The following THEMIS variants were observed in gnomAD, a reference collection of about 807,000 sequenced individuals.
The protein encoded by THEMIS is thymocyte selection associated.
In THEMIS, 37 loss-of-function variants were observed where a neutral mutation model predicts 52.6. The observed-to-expected ratio is 0.70, with a 90% confidence interval of 0.54 to 0.93. THEMIS has a LOEUF of 0.93. Ranked by LOEUF, THEMIS falls within the 40% of genes least tolerant of loss-of-function variation. The pLI, the probability that THEMIS is intolerant of heterozygous loss-of-function variation, is 0.00. For missense variants in THEMIS, 808 were observed against 763.1 expected (o/e 1.06, Z -0.69); for synonymous variants, 292 against 272.7 (o/e 1.07, Z -0.70).
intron 4 of THEMIS, among the ~76,000 whole-genome samples, chr6:127,809,978 C>T (rs1180210340): frequency 6.6e-6 from 1 of 151,334 alleles, no homozygotes; most frequent in African/African-American, 2.4e-5. Flanking sequence ...GAGTGAGACT[C>T]AGAATTGAAC....
At chr6:127,702,595 C>T in the THEMIS span, among the ~76,000 whole-genome samples, 2 of 147,758 alleles carry the variant, frequency 1.4e-5, no homozygotes, top group South Asian at 2.1e-4. Context: ...CAGCAACTTT[C>T]TCTTCTATTG....
At chr6:127,861,151 A>G (rs938007340) in intron 1 of THEMIS, among the ~76,000 whole-genome samples, 32 of 152,166 alleles carry the variant, frequency 2.1e-4, no homozygotes, top group Non-Finnish European at 2.9e-5. Context: ...TCATGTATAA[A>G]CAATATTGCT....
intron 4 of THEMIS, among the ~76,000 whole-genome samples, chr6:127,743,042 T>A (rs1156606639): frequency 1.3e-5 from 2 of 152,120 alleles, no homozygotes. Context: ...TAAATTATTT[T>A]AGAAATAATA....
intron 2 of THEMIS, among the ~76,000 whole-genome samples, chr6:127,835,326 T>C (rs899551470): frequency 5.3e-5 from 8 of 152,190 alleles, no homozygotes; most frequent in African/African-American, 1.2e-4. Flanking sequence ...GTTAAGATTA[T>C]GGCTTGACAA....
chr6:127,868,517 A>T, intron 1 of THEMIS: 4 of 980,640 alleles, frequency 4.1e-6, no homozygotes, highest in Non-Finnish European at 4.8e-6. Flanking sequence ...AATTGGTTAC[A>T]GATGTGCCAA....
At chr6:127,756,362 T>A (rs1562237622) in intron 4 of THEMIS, among the ~76,000 whole-genome samples, 1 of 152,200 alleles carries the variant, frequency 6.6e-6, no homozygotes, top group African/African-American at 2.4e-5. Flanking sequence ...TGTATGATAG[T>A]CTCTAACAGA....
chr6:127,766,680 AT>A (rs1303701456), intron 4 of THEMIS, among the ~76,000 whole-genome samples: 2 of 152,198 alleles, frequency 1.3e-5, no homozygotes, highest in Non-Finnish European at 2.9e-5. Flanking sequence ...CCTGTACTGA[AT>A]ACTCTAGGCA....
intron 2 of THEMIS, among the ~76,000 whole-genome samples, chr6:127,840,299 T>C (rs1471452656): frequency 6.6e-6 from 1 of 152,244 alleles, no homozygotes; most frequent in Middle Eastern, 3.4e-3. Context: ...GAATACATTA[T>C]GGAATATGCA....
intron 1 of THEMIS, among the ~76,000 whole-genome samples, chr6:127,882,784 A>G (rs754678252): frequency 4.6e-5 from 7 of 151,972 alleles, no homozygotes; most frequent in Non-Finnish European, 1.0e-4. Flanking sequence ...AAATATGAAT[A>G]CATGCGAGTA....
chr6:127,753,210 C>A (rs1775707662), intron 4 of THEMIS, among the ~76,000 whole-genome samples: 1 of 151,990 alleles, frequency 6.6e-6, no homozygotes, highest in Admixed American at 6.6e-5. Context: ...TAACATCATA[C>A]TCAAGAGTAA....
chr6:127,753,508 C>G (rs1775718696), intron 4 of THEMIS, among the ~76,000 whole-genome samples: 1 of 151,462 alleles, frequency 6.6e-6, no homozygotes. Flanking sequence ...AAGACATTGA[C>G]AAAGGCAAAA....
At chr6:127,704,769 T>C (rs1773778975), downstream of THEMIS, among the ~76,000 whole-genome samples, 1 of 152,186 alleles carries the variant, frequency 6.6e-6, no homozygotes, top group Non-Finnish European at 1.5e-5. Flanking sequence ...GAGTGACTGA[T>C]GAAGCACACA....
chr6:127,729,011 A>G (rs1219821336), intron 4 of THEMIS, among the ~76,000 whole-genome samples: 1 of 152,010 alleles, frequency 6.6e-6, no homozygotes, highest in East Asian at 1.9e-4. Flanking sequence ...ATTTTTACCT[A>G]TTGGCTTCTT....
At chr6:127,875,803 T>A (rs1780296892) in intron 1 of THEMIS, among the ~76,000 whole-genome samples, 2 of 152,184 alleles carry the variant, frequency 1.3e-5, no homozygotes, top group African/African-American at 2.4e-5. Flanking sequence ...GGTAATTTGG[T>A]CATCTATGTG....
chr6:127,760,857 C>T (rs1775998283), intron 4 of THEMIS, among the ~76,000 whole-genome samples: 2 of 152,010 alleles, frequency 1.3e-5, no homozygotes, highest in African/African-American at 4.8e-5. Context: ...TAGAATAAAA[C>T]ATATTAGAAA....
intron 4 of THEMIS, among the ~76,000 whole-genome samples, chr6:127,735,645 T>C (rs1487405957): frequency 1.3e-5 from 2 of 152,182 alleles, no homozygotes; most frequent in Admixed American, 1.3e-4. Context: ...GCCCAGGTAC[T>C]ACAGAACAGG....
At chr6:127,805,852 A>G (rs1181688020) in intron 4 of THEMIS, among the ~76,000 whole-genome samples, 2 of 152,178 alleles carry the variant, frequency 1.3e-5, no homozygotes. Context: ...TTATTCTAAA[A>G]TAAATTCACA....
At chr6:127,746,999 CTATAAT>C (rs1775448401) in intron 4 of THEMIS, among the ~76,000 whole-genome samples, 1 of 45,368 alleles carries the variant, frequency 2.2e-5, no homozygotes, top group Non-Finnish European at 3.5e-5. Flanking sequence ...ATATAGATAT[CTATAAT>C]TATATTATAT....
At chr6:127,809,963 C>T (rs1033511143) in intron 4 of THEMIS, among the ~76,000 whole-genome samples, 7 of 151,452 alleles carry the variant, frequency 4.6e-5, no homozygotes, top group Admixed American at 4.6e-4. Flanking sequence ...AGTTAAAAGT[C>T]TCTAGAGTGA....
Sources: allele counts gnomAD v4.1 joint callset (sites outside exome capture counted in the v4.1 genomes callset), GRCh38; gene constraint gnomAD v4.1.1; transcripts MANE v1.5; gene names NCBI Gene and HGNC (gene_info 2026-07-23, HGNC 2026-07-21).